Variants in RAB8B observed in about 807,000 individuals in gnomAD.
RAB8B encodes ras-related protein Rab-8B.
In RAB8B, 11 loss-of-function variants were observed where a neutral mutation model predicts 32.0. The ratio of observed to expected loss-of-function variants is 0.34; its 90% CI spans 0.22 to 0.57. RAB8B has a LOEUF of 0.57. RAB8B is among the 20% of genes least tolerant of loss of function. RAB8B has a pLI of 0.86. For missense variants in RAB8B, 190 were observed against 258.5 expected (o/e 0.73, Z 1.82); for synonymous variants, 103 against 89.6 (o/e 1.15, Z -0.85).
chr15:63,197,441 T>A (rs2037612644), intron 1 of RAB8B, among the ~76,000 whole-genome samples: 1 of 143,476 alleles, frequency 7.0e-6, no homozygotes, highest in Non-Finnish European at 1.5e-5. Flanking sequence ...TGGTGCAATC[T>A]CGGCTTGCTG....
chr15:63,250,454 T>C lies in RAB8B; in HGVS notation c.246+749T>C, dbSNP rs372254963. The stretch of plus-strand genomic sequence containing the variant: ...CCTGTCATCCCCCTGACCACCATTC[T>C]GCCAGCTGGCCGGAAAGAATCTGGT... On this transcript the variant is annotated intron_variant, in intron 3 of 7. Coordinates refer to ENST00000321437, the MANE Select transcript of RAB8B (RefSeq NM_016530.3). Among the ~76,000 whole-genome samples, 690 of 152,312 alleles carry C rather than the reference T, an allele frequency of 4.5e-3. 3 individuals are homozygous for C. Among genetic ancestry groups the C allele is most frequent in the African/African-American group, 0.016 (664 of 41,560 alleles).
At chr15:63,229,780 CAAAAAAAA>C (rs56015501) in intron 1 of RAB8B, among the ~76,000 whole-genome samples, 6 of 35,986 alleles carry the variant, frequency 1.7e-4, no homozygotes, top group South Asian at 1.5e-3. Context: ...GACGCTGTTT[CAAAAAAAA>C]AAAAAAAAAA....
At chr15:63,256,431 A>T (rs1379323180) in intron 4 of RAB8B, 74 bp from the exon 5 acceptor site, 7 of 1,030,590 alleles carry the variant, frequency 6.8e-6, no homozygotes, top group Non-Finnish European at 1.0e-5. Flanking sequence ...TGTGTTTCTG[A>T]CAGGTTGGAT....
At chr15:63,262,293 T>G (rs951878953) in intron 6 of RAB8B, among the ~76,000 whole-genome samples, 10 of 152,142 alleles carry the variant, frequency 6.6e-5, no homozygotes, top group African/African-American at 2.4e-4. Context: ...TATTGTGATA[T>G]TATATCACAT....
intron 1 of RAB8B, among the ~76,000 whole-genome samples, chr15:63,210,969 G>A (rs1036775271): frequency 3.3e-5 from 5 of 152,182 alleles, no homozygotes; most frequent in Non-Finnish European, 7.3e-5. Context: ...TAACTTTGAA[G>A]AGCCAGAGCT....
chr15:63,230,603 G>A (rs906610949), intron 1 of RAB8B, among the ~76,000 whole-genome samples: 2 of 152,150 alleles, frequency 1.3e-5, no homozygotes, highest in South Asian at 4.1e-4. Context: ...CGCCCGGCCT[G>A]TTATCACTTT....
rs1242020091 is a variant in RAB8B, at chr15:63,236,899, C to T, written c.125-7857C>T. 2.0e-5 allele frequency among the ~76,000 whole-genome samples: 3 copies of T among 152,256 alleles called. No individual in the cohort carries two copies. The East Asian group carries it at 5.8e-4, about 29-fold the overall frequency. On this transcript the variant is annotated intron_variant, in intron 1 of 7. Transcript: ENST00000321437. ...TTAACCATTACCACTTTCCCCTACC[C>T]CCCACTACCCTTCCCAGCCTAACCA...
chr15:63,254,519 G>GTAGT (rs1465640451), intron 3 of RAB8B, among the ~76,000 whole-genome samples: 1 of 152,070 alleles, frequency 6.6e-6, no homozygotes, highest in Admixed American at 6.6e-5. Flanking sequence ...GGACAGGTGA[G>GTAGT]TAGTTCTAGC....
intron 4 of RAB8B, among the ~76,000 whole-genome samples, chr15:63,255,974 T>G (rs1278834969): frequency 6.6e-6 from 1 of 152,228 alleles, no homozygotes; most frequent in African/African-American, 2.4e-5. Context: ...CAATTATCTC[T>G]TTACCTTGGC....
chr15:63,256,934 T>A (rs376155435), intron 5 of RAB8B, among the ~76,000 whole-genome samples: 1 of 152,244 alleles, frequency 6.6e-6, no homozygotes, highest in Admixed American at 6.5e-5. Context: ...GTAAACATTC[T>A]TTTTGAAAAA....
At chr15:63,195,553 A>C (rs796745277) in intron 1 of RAB8B, among the ~76,000 whole-genome samples, 5 of 152,360 alleles carry the variant, frequency 3.3e-5, no homozygotes, top group African/African-American at 9.6e-5. Flanking sequence ...AAATAAGTCT[A>C]GTCTTTGAGG....
At position 63,254,076 on chromosome 15, in the gene RAB8B, G is replaced by A. The variant is rs142780918; in HGVS notation, c.247-1431G>A. The stretch of plus-strand genomic sequence containing the variant: ...GCCCTCCGCCCATTAGATCTGTGCA[G>A]CCTTGCCAAGCTGACTTTCTTTCAC... On this transcript the variant is annotated intron_variant, in intron 3 of 7. Transcript: ENST00000321437. Among the ~76,000 whole-genome samples the A allele has an allele frequency of 7.2e-5, 11 of 152,308 alleles. No homozygotes were observed. The East Asian group carries it at 2.1e-3, about 29-fold the overall frequency.
At chr15:63,230,109 T>C (rs981407894) in intron 1 of RAB8B, among the ~76,000 whole-genome samples, 1 of 152,180 alleles carries the variant, frequency 6.6e-6, no homozygotes, top group Non-Finnish European at 1.5e-5. Flanking sequence ...GTTGTAACTT[T>C]ACTCATCAGC....
intron 1 of RAB8B, among the ~76,000 whole-genome samples, chr15:63,234,353 G>C (rs1315364221): frequency 6.6e-6 from 1 of 152,148 alleles, no homozygotes; most frequent in African/African-American, 2.4e-5. Flanking sequence ...AAACAGAAAA[G>C]ATTATGTTAT....
chr15:63,238,856 A>G (rs2038006771), intron 1 of RAB8B, among the ~76,000 whole-genome samples: 3 of 152,230 alleles, frequency 2.0e-5, no homozygotes, highest in Non-Finnish European at 4.4e-5. Context: ...ATTCAGCCTT[A>G]GCCTGCCAGA....
intron 1 of RAB8B, among the ~76,000 whole-genome samples, chr15:63,196,129 AT>A (rs2037597825): frequency 6.6e-6 from 1 of 152,194 alleles, no homozygotes. Flanking sequence ...AAAATTTCTC[AT>A]AAAAACTCAA....
At chr15:63,235,664 TA>T (rs1378065063) in intron 1 of RAB8B, among the ~76,000 whole-genome samples, 1 of 149,904 alleles carries the variant, frequency 6.7e-6, no homozygotes, top group African/African-American at 2.4e-5. Context: ...GATATATATA[TA>T]AAAATATACT....
At chr15:63,254,805 G>A (rs1477401276) in intron 3 of RAB8B, among the ~76,000 whole-genome samples, 4 of 152,022 alleles carry the variant, frequency 2.6e-5, no homozygotes, top group Admixed American at 2.0e-4. Flanking sequence ...CCAGCTACTC[G>A]GGAGGCTGAG....
At chr15:63,209,804 G>GTATTTT (rs2037732695) in intron 1 of RAB8B, among the ~76,000 whole-genome samples, 1 of 151,620 alleles carries the variant, frequency 6.6e-6, no homozygotes, top group Non-Finnish European at 1.5e-5. Flanking sequence ...AGAATGTGCA[G>GTATTTT]GTTTGTTACA....
Sources: gnomAD v4.1 joint callset for allele counts (sites outside exome capture counted in the v4.1 genomes callset) on GRCh38, gnomAD v4.1.1 for gene constraint, MANE v1.5 for transcripts, NCBI Gene and HGNC (gene_info 2026-07-23, HGNC 2026-07-21) for gene names.